SGTA: variants seen among roughly 807,000 people sequenced by gnomAD.
SGTA encodes the protein small glutamine rich tetratricopeptide repeat co-chaperone alpha.
A neutral mutation model predicts 44.3 loss-of-function variants in SGTA; 22 were observed. The observed-to-expected ratio is 0.50, with a 90% CI of 0.36 to 0.71. The LOEUF (loss-of-function observed/expected upper bound fraction) is 0.71, where lower values mean the gene tolerates loss of function less well. SGTA is among the 30% of genes least tolerant of loss of function. The pLI, the probability that SGTA is intolerant of heterozygous loss-of-function variation, is 0.00. For missense variants in SGTA, 341 were observed against 435.9 expected (o/e 0.78, Z 1.94); for synonymous variants, 174 against 177.6 (o/e 0.98, Z 0.16).
rs1037904505 is a variant in SGTA at position 2,762,793 on chromosome 19, C to T, written c.498-149G>A. On this transcript the variant is annotated intron_variant, in intron 6 of 11. Transcript: ENST00000221566. ...CGCTGTCAGCTCAGTGGAGACAAAC[C>T]TGGCTTTCGAGGGGCCCAGGGGCAG... 1.4e-5 allele frequency: 13 copies of T among 915,146 alleles called. No homozygotes were observed. The South Asian group carries it at 1.6e-4, about 11-fold the overall frequency. 56.7% of individuals were successfully genotyped at this position (915,146 alleles called of 1,614,324 possible).
chr19:2,778,162 G>C (rs914115093), intron 1 of SGTA: 5 of 152,226 alleles, frequency 3.3e-5, no homozygotes, highest in African/African-American at 1.2e-4. Flanking sequence ...GCTGGAACTC[G>C]GCTTAGCATT....
intron 1 of SGTA, among the ~76,000 whole-genome samples, chr19:2,775,415 C>T (rs1475045500): frequency 4.6e-5 from 7 of 152,238 alleles, no homozygotes; most frequent in East Asian, 1.9e-4. Flanking sequence ...CAGTGGCTGA[C>T]GTCAGACTCA....
In SGTA at chr19:2,767,302, G is replaced by C. The variant is rs2144729443; in HGVS notation, c.208-82C>G. 4 of 1,131,814 alleles carry C rather than the reference G, an allele frequency of 3.5e-6. No homozygotes were observed. The South Asian group carries it at 5.5e-5, about 16-fold the overall frequency. The allele number at this position is 1,131,814 out of a possible 1,614,324, so 70.1% of individuals were successfully genotyped here. A position where few individuals can be genotyped will look rare whatever the true frequency, so the allele number is the denominator to read the frequency against. ...GGCCTTAGCTTCCCTCGGGACGCCA[G>C]AGAGGGCCACCAAGTTCCGAAGGAC... is the stretch of plus-strand genomic sequence containing the variant. On this transcript the variant is annotated intron_variant, in intron 3 of 11. Transcript: ENST00000221566. This position sits in a 1 kb window ranked among gnomAD's most constrained non-coding sequence, Gnocchi z 7.3.
At chr19:2,766,570 T>C (rs774670145) in intron 4 of SGTA, among the ~76,000 whole-genome samples, 24 of 152,006 alleles carry the variant, frequency 1.6e-4, no homozygotes, top group Non-Finnish European at 2.9e-4. Flanking sequence ...GTAGTTGGGA[T>C]TACAGGTGCC....
rs373343810 is a variant in SGTA, at chr19:2,762,656, C to G, written c.498-12G>C. 163 of 1,613,392 alleles carry G rather than the reference C, an allele frequency of 1.0e-4. No individual in the cohort carries two copies. The highest frequency in any genetic ancestry group is 1.3e-4 in the Non-Finnish European group (154 of 1,179,892). The stretch of plus-strand genomic sequence containing the variant: ...TGGAGAGCGCCAGGCTGGAGGAGAG[C>G]ACCGGGGATGGACTGTTCCCATCTG... On this transcript the variant is annotated splice_polypyrimidine_tract_variant and intron_variant, in intron 6 of 11. Coordinates refer to ENST00000221566, the MANE Select transcript of SGTA (RefSeq NM_003021.4).
In SGTA at chr19:2,767,027, A is replaced by C; in HGVS notation, c.292+109T>G. The C allele has an allele frequency of 1.2e-6, 1 of 809,050 alleles. No homozygotes were observed. The highest frequency in any genetic ancestry group is 2.1e-6 in the Non-Finnish European group (1 of 473,186). 50.1% of individuals were successfully genotyped at this position (809,050 alleles called of 1,614,324 possible). A position where few individuals can be genotyped will look rare whatever the true frequency, so the allele number is the denominator to read the frequency against. On this transcript the variant is annotated intron_variant, in intron 4 of 11. Coordinates refer to ENST00000221566, the MANE Select transcript of SGTA (RefSeq NM_003021.4). The surrounding 1 kb of genome is among the most constrained non-coding windows in gnomAD (Gnocchi z 7.3). ...AGCCAGCGTGCTGGTCATCAGGGCA[A>C]TTCCCTCAGCTCCCTGGGCCCCAGG...
At chr19:2,762,925 G>A (rs10403774) in intron 6 of SGTA, among the ~76,000 whole-genome samples, 18 of 152,172 alleles carry the variant, frequency 1.2e-4, no homozygotes, top group Non-Finnish European at 2.4e-4. Flanking sequence ...AGGAGGGAGC[G>A]GGCCAGCTCA....
At chr19:2,771,595 C>T (rs1006366286) in intron 1 of SGTA, among the ~76,000 whole-genome samples, 6 of 142,266 alleles carry the variant, frequency 4.2e-5, no homozygotes, top group East Asian at 2.0e-4. Flanking sequence ...GGGAGGGGTA[C>T]GAGACCAGGC....
intron 9 of SGTA, among the ~76,000 whole-genome samples, chr19:2,758,963 G>T (rs1599496322): frequency 6.6e-6 from 1 of 152,108 alleles, no homozygotes; most frequent in African/African-American, 2.4e-5. Context: ...GGGATGCGTG[G>T]TTGTCAGGGG....
chr19:2,765,280 C>G lies in SGTA; in HGVS notation c.298G>C (p.Glu100Gln). The G allele has an allele frequency of 6.2e-7, 1 of 1,609,116 alleles. No homozygotes were observed. The highest frequency in any genetic ancestry group is 8.5e-7 in the Non-Finnish European group (1 of 1,178,964). Residue 100 changes from glutamate (E) to glutamine (Q), a missense_variant, in exon 5 of 12, where the codon GAG becomes CAG. Transcript: ENST00000221566. This position sits in a 1 kb window ranked among gnomAD's most constrained non-coding sequence, Gnocchi z 5.5. Reference sequence around the variant, plus strand: ...TCAAAGTTTTCCACTTTCATCTGCTCGTTTCCTACAGGGAGAGAGGAAAAC... The same window carrying G: ...TCAAAGTTTTCCACTTTCATCTGCTGGTTTCCTACAGGGAGAGAGGAAAAC... ...EAERLKTEGN[E>Q]QMKVENFEAA... is the part of the protein sequence containing the mutation.
Position 2,763,982 on chromosome 19 carries a change from G to A in SGTA, c.393-225C>T, listed in dbSNP as rs1018837903. Among the ~76,000 whole-genome samples, 2 of 152,298 alleles carry A rather than the reference G, an allele frequency of 1.3e-5. No individual in the cohort carries two copies. The highest frequency in any genetic ancestry group is 1.5e-5 in the Non-Finnish European group (1 of 68,030). On this transcript the variant is annotated intron_variant, in intron 5 of 11. Coordinates refer to ENST00000221566, the MANE Select transcript of SGTA (RefSeq NM_003021.4). The surrounding 1 kb of genome is among the most constrained non-coding windows in gnomAD (Gnocchi z 5.8). ...AGCACCAGCAGCCACTCAGGACTGC[G>A]ACTCTGAATTTTATTTGCAAAAAAT...
At chr19:2,775,679 G>A (rs1255195966) in intron 1 of SGTA, among the ~76,000 whole-genome samples, 2 of 152,208 alleles carry the variant, frequency 1.3e-5, no homozygotes, top group Non-Finnish European at 2.9e-5. Context: ...CCGGGGCTTG[G>A]GGAGGGGAAG....
intron 1 of SGTA, among the ~76,000 whole-genome samples, chr19:2,769,702 G>A (rs1011270811): frequency 1.3e-5 from 2 of 152,028 alleles, no homozygotes; most frequent in Admixed American, 1.3e-4. Flanking sequence ...GACCCGTCTT[G>A]TTCCCCCTGG....
chr19:2,769,155 C>T, intron 1 of SGTA, 64 bp from the exon 2 acceptor site: 1 of 933,798 alleles, frequency 1.1e-6, no homozygotes, highest in Non-Finnish European at 1.7e-6. Flanking sequence ...CACCCCAGGC[C>T]TGCCCCTAAC....
chr19:2,778,983 G>A (rs576435102), intron 1 of SGTA, among the ~76,000 whole-genome samples: 2 of 152,188 alleles, frequency 1.3e-5, no homozygotes, highest in East Asian at 3.9e-4. Context: ...GTGGCACTGT[G>A]GGCATCTTGG....
At position 2,761,887 on chromosome 19, in the gene SGTA, C is replaced by T. The variant is rs549310392; in HGVS notation, c.637-365G>A. On this transcript the variant is annotated intron_variant, in intron 7 of 11. Coordinates refer to ENST00000221566, the MANE Select transcript of SGTA (RefSeq NM_003021.4). This position sits in a 1 kb window ranked among gnomAD's most constrained non-coding sequence, Gnocchi z 5.7. ...AGTCTATCATCCCGTGTTTATTCCC[C>T]GTACAGCGCGACCGCCCGGGGACGG... Among the ~76,000 whole-genome samples, 4 of 141,284 alleles carry T rather than the reference C, an allele frequency of 2.8e-5. No homozygotes were observed. The highest frequency in any genetic ancestry group is 6.1e-5 in the Non-Finnish European group (4 of 65,764). The allele number at this position is 141,284 out of a possible 152,430, so 92.7% of individuals were successfully genotyped here.
intron 1 of SGTA, among the ~76,000 whole-genome samples, chr19:2,778,538 A>T (rs77786535): frequency 0.015 from 2,154 of 147,120 alleles, 43 homozygotes; most frequent in African/African-American, 0.051. Flanking sequence ...AGAACCTCTT[A>T]GCCTCAGGGT....
intron 5 of SGTA, among the ~76,000 whole-genome samples, chr19:2,764,239 G>T (rs1394243203): frequency 6.6e-6 from 1 of 152,146 alleles, no homozygotes; most frequent in East Asian, 1.9e-4. Flanking sequence ...CCCATGACAG[G>T]CGGCCAGGAA....
chr19:2,777,400 A>C (rs963671187), intron 1 of SGTA: 4 of 151,958 alleles, frequency 2.6e-5, no homozygotes, highest in Admixed American at 2.6e-4. Context: ...AAACATTAAA[A>C]AATTAGCTGG....
Sources: allele counts gnomAD v4.1 joint callset (sites outside exome capture counted in the v4.1 genomes callset), GRCh38; gene constraint gnomAD v4.1.1; non-coding constraint Gnocchi (gnomAD v3.1); transcripts MANE v1.5; gene names NCBI Gene and HGNC (gene_info 2026-07-23, HGNC 2026-07-21).